SPOCK1: variants seen among roughly 807,000 people sequenced by gnomAD.
SPOCK1 encodes the protein testican-1.
In SPOCK1, 23 loss-of-function variants were observed where a neutral mutation model predicts 55.3. The observed-to-expected ratio is 0.42, with a 90% CI of 0.30 to 0.59. SPOCK1 has a LOEUF of 0.59. Among genes scored for constraint, SPOCK1 ranks in the 20% least tolerant of loss-of-function variants. SPOCK1 has a pLI of 0.22. For missense variants in SPOCK1, 499 were observed against 552.5 expected, an observed-to-expected ratio of 0.90 and a Z score of 0.97; for synonymous variants, 226 against 221.0, an observed-to-expected ratio of 1.02 and a Z score of -0.20.
chr5:137,392,506 A>G (rs139975895), intron 2 of SPOCK1, among the ~76,000 whole-genome samples: 11 of 152,302 alleles, frequency 7.2e-5, no homozygotes, highest in African/African-American at 2.4e-4. Context: ...CCCAGGGGTG[A>G]TCTCTGGAGT....
intron 6 of SPOCK1, among the ~76,000 whole-genome samples, chr5:137,037,166 A>G (rs140818366): frequency 7.2e-4 from 110 of 152,088 alleles, no homozygotes; most frequent in African/African-American, 2.6e-3. Flanking sequence ...ACAGGAGCCC[A>G]TGCCTCCCCA....
intron 6 of SPOCK1, among the ~76,000 whole-genome samples, chr5:137,029,782 G>A (rs1454315604): frequency 6.6e-6 from 1 of 152,164 alleles, no homozygotes; most frequent in Non-Finnish European, 1.5e-5. Context: ...ATAGTTTAAG[G>A]CCAAGAGTTC....
At position 136,977,871 on chromosome 5, in the gene SPOCK1, T is replaced by C. The variant is rs2126955651; in HGVS notation, c.*783A>G. The C allele has an allele frequency of 2.5e-6, 1 of 398,878 alleles. No homozygotes were observed. The highest frequency in any genetic ancestry group is 3.6e-5 in the East Asian group (1 of 28,060). 24.7% of individuals were successfully genotyped at this position (398,878 alleles called of 1,614,324 possible). ...TAATACAAATTTCTTATTCCAGAAA[T>C]TTTGTTCCAGGTCTGGACAAGCTGA... On this transcript the variant is annotated 3_prime_UTR_variant, in exon 11 of 11. Transcript: ENST00000394945.
intron 5 of SPOCK1, among the ~76,000 whole-genome samples, chr5:137,076,654 C>G (rs73294118): frequency 0.044 from 6,484 of 145,768 alleles, 243 homozygotes; most frequent in East Asian, 0.098. Flanking sequence ...AGCCAAAGTA[C>G]AGTTTCTAGT....
At chr5:137,433,470 A>G (rs769020629) in intron 2 of SPOCK1, among the ~76,000 whole-genome samples, 2 of 152,210 alleles carry the variant, frequency 1.3e-5, no homozygotes, top group Admixed American at 6.5e-5. Flanking sequence ...CAATTCAATC[A>G]TTGACCAGCA....
chr5:137,152,982 T>C (rs1038720315), intron 3 of SPOCK1, among the ~76,000 whole-genome samples: 1 of 152,236 alleles, frequency 6.6e-6, no homozygotes, highest in African/African-American at 2.4e-5. Flanking sequence ...ACTGTAAGTC[T>C]GCTAAATCCA....
chr5:137,126,877 A>C (rs1328974662), intron 4 of SPOCK1, among the ~76,000 whole-genome samples: 1 of 152,242 alleles, frequency 6.6e-6, no homozygotes, highest in African/African-American at 2.4e-5. Flanking sequence ...TAAACTGGAT[A>C]TTTGGCTGAG....
chr5:137,209,783 G>A lies in SPOCK1; in HGVS notation c.232+57227C>T, dbSNP rs756581245. 3.3e-5 allele frequency among the ~76,000 whole-genome samples: 5 copies of A among 152,122 alleles called. 1 individual carries two copies. The highest frequency in any genetic ancestry group is 9.7e-5 in the African/African-American group (4 of 41,404). On this transcript the variant is annotated intron_variant, in intron 3 of 10. Coordinates refer to ENST00000394945, the MANE Select transcript of SPOCK1 (RefSeq NM_004598.4). ...CAGTCAATTAGCATGTGGTTACTGCGATCAAGTTTTAAAAGAGGCACACAA... is the reference window on the plus strand; with the variant it reads ...CAGTCAATTAGCATGTGGTTACTGCAATCAAGTTTTAAAAGAGGCACACAA...
intron 3 of SPOCK1, among the ~76,000 whole-genome samples, chr5:137,190,665 T>A (rs1476348635): frequency 2.0e-5 from 3 of 152,156 alleles, no homozygotes; most frequent in Non-Finnish European, 2.9e-5. Context: ...CCCTAAACTT[T>A]GGAATCTTTG....
At chr5:137,039,191 A>C (rs1751941419) in intron 6 of SPOCK1, among the ~76,000 whole-genome samples, 1 of 151,564 alleles carries the variant, frequency 6.6e-6, no homozygotes, top group Non-Finnish European at 1.5e-5. Context: ...TCAACAGGTA[A>C]AGGATTTGTT....
At chr5:137,247,398 A>G (rs1031437745) in intron 3 of SPOCK1, among the ~76,000 whole-genome samples, 1 of 152,170 alleles carries the variant, frequency 6.6e-6, no homozygotes, top group African/African-American at 2.4e-5. Context: ...TGCAGAAATT[A>G]TGGCCTTGCT....
At chr5:137,075,875 C>G (rs2127010625) in intron 5 of SPOCK1, among the ~76,000 whole-genome samples, 1 of 152,366 alleles carries the variant, frequency 6.6e-6, no homozygotes, top group African/African-American at 2.4e-5. Flanking sequence ...CACTTCTGGA[C>G]ATTTTCCCTG....
intron 3 of SPOCK1, among the ~76,000 whole-genome samples, chr5:137,170,576 G>C (rs1298942094): frequency 2.1e-5 from 3 of 143,592 alleles, no homozygotes; most frequent in Admixed American, 7.1e-5. Flanking sequence ...AGACACGAAT[G>C]AGCCTGTTAT....
At chr5:137,296,794 G>C (rs1489670140) in intron 2 of SPOCK1, among the ~76,000 whole-genome samples, 1 of 152,188 alleles carries the variant, frequency 6.6e-6, no homozygotes, top group East Asian at 1.9e-4. Context: ...GCTCACACAG[G>C]TGGGAGACTG....
At chr5:137,376,914 A>G (rs1431464350) in intron 2 of SPOCK1, among the ~76,000 whole-genome samples, 1 of 152,242 alleles carries the variant, frequency 6.6e-6, no homozygotes, top group Non-Finnish European at 1.5e-5. Flanking sequence ...AAAATAGTAC[A>G]TTAAGAATTT....
intron 6 of SPOCK1, among the ~76,000 whole-genome samples, chr5:136,998,911 C>T (rs1011004018): frequency 6.6e-6 from 1 of 152,202 alleles, no homozygotes; most frequent in Non-Finnish European, 1.5e-5. Flanking sequence ...TTGGTGCTCT[C>T]CCAGTGGACT....
At chr5:137,397,709 C>T in intron 2 of SPOCK1, among the ~76,000 whole-genome samples, 1 of 152,166 alleles carries the variant, frequency 6.6e-6, no homozygotes, top group East Asian at 1.9e-4. Context: ...AAGTCACTTA[C>T]CCTCTCTGAG....
intron 2 of SPOCK1, among the ~76,000 whole-genome samples, chr5:137,356,268 T>G (rs1258817533): frequency 1.3e-5 from 2 of 152,204 alleles, no homozygotes; most frequent in Non-Finnish European, 2.9e-5. Flanking sequence ...CTAAGTTGAC[T>G]GCCAAGTGAG....
At position 136,978,483 on chromosome 5, in the gene SPOCK1, T is replaced by A. The variant is rs1194542848; in HGVS notation, c.*171A>T. The A allele has an allele frequency of 7.3e-6, 4 of 551,300 alleles. No homozygotes were observed. The South Asian group carries it at 1.6e-4, about 22-fold the overall frequency. 34.2% of individuals were successfully genotyped at this position (551,300 alleles called of 1,614,324 possible). On this transcript the variant is annotated 3_prime_UTR_variant, in exon 11 of 11. Transcript: ENST00000394945. ...ACACCCTTTCTCCCATACAAACATA[T>A]GCAAAATCAGAATCCTCTGGGAACA...
Sources: allele counts gnomAD v4.1 joint callset (sites outside exome capture counted in the v4.1 genomes callset), GRCh38; gene constraint gnomAD v4.1.1; transcripts MANE v1.5; gene names NCBI Gene and HGNC (gene_info 2026-07-23, HGNC 2026-07-21).